Variants in CCDC148 observed in about 807,000 individuals in gnomAD.
CCDC148 encodes coiled-coil domain-containing protein 148.
A neutral mutation model predicts 85.7 loss-of-function variants in CCDC148; 89 were observed. The observed-to-expected ratio is 1.04, with a 90% CI of 0.87 to 1.24. The LOEUF (loss-of-function observed/expected upper bound fraction) is 1.24, where lower values mean the gene tolerates loss of function less well. Ranked by LOEUF, CCDC148 falls within the 50% of genes most tolerant of loss-of-function variation. The probability of loss-of-function intolerance (pLI) is 0.00; values close to 1 mark genes in which losing one functional copy is unlikely to be tolerated. For synonymous variants in CCDC148, 230 were observed against 213.9 expected, an observed-to-expected ratio of 1.08 and a Z score of -0.66; for missense variants, 692 against 671.7, an observed-to-expected ratio of 1.03 and a Z score of -0.33.
chr2:158,437,969 A>T (rs1056980574), intron 1 of CCDC148, among the ~76,000 whole-genome samples: 1 of 152,204 alleles, frequency 6.6e-6, no homozygotes, highest in African/African-American at 2.4e-5. Context: ...TCAATGAAAT[A>T]AAAGAGGATA....
chr2:158,192,021 G>A (rs1205974119), intron 11 of CCDC148, among the ~76,000 whole-genome samples: 1 of 151,952 alleles, frequency 6.6e-6, no homozygotes, highest in Non-Finnish European at 1.5e-5. Flanking sequence ...AGACAATAAA[G>A]TCAAAGATAG....
rs1038827513 is a variant in CCDC148, at chr2:158,178,816, A to G, written c.1488+63T>C. 2.0e-5 allele frequency: 23 copies of G among 1,150,338 alleles called. No individual in the cohort carries two copies. The African/African-American group carries it at 2.9e-4, about 15-fold the overall frequency. 71.3% of individuals were successfully genotyped at this position (1,150,338 alleles called of 1,614,324 possible). A position where few individuals can be genotyped will look rare whatever the true frequency, so the allele number is the denominator to read the frequency against. On this transcript the variant is annotated intron_variant, in intron 12 of 13. Coordinates refer to ENST00000283233, the MANE Select transcript of CCDC148 (RefSeq NM_138803.4). ...ACTAAGCCCCAGTAAGAATGCTATT[A>G]AGAGCACTTAGAAACATTTTTTTTA... is the stretch of plus-strand genomic sequence containing the variant.
chr2:158,314,027 C>T, intron 7 of CCDC148, 133 bp from the exon 8 acceptor site: 2 of 745,802 alleles, frequency 2.7e-6, no homozygotes, highest in Non-Finnish European at 4.1e-6. Context: ...ATACATTAGC[C>T]AAATTTAATG....
At chr2:158,348,437 C>CAA (rs11292736) in intron 2 of CCDC148, among the ~76,000 whole-genome samples, 8 of 143,222 alleles carry the variant, frequency 5.6e-5, no homozygotes, top group Non-Finnish European at 1.1e-4. Context: ...AGCAAATCTA[C>CAA]AAAAAAAAAA....
chr2:158,409,115 C>A (rs1289977726), intron 1 of CCDC148, among the ~76,000 whole-genome samples: 1 of 151,794 alleles, frequency 6.6e-6, no homozygotes, highest in Non-Finnish European at 1.5e-5. Context: ...GGTTATTTAT[C>A]CCTTGTCATG....
At chr2:158,455,682 A>G (rs1688636613) in intron 1 of CCDC148, among the ~76,000 whole-genome samples, 1 of 152,210 alleles carries the variant, frequency 6.6e-6, no homozygotes, top group African/African-American at 2.4e-5. Flanking sequence ...AAAATCGCCA[A>G]AAGAATGTAA....
At chr2:158,380,195 C>T (rs781587493) in intron 1 of CCDC148, among the ~76,000 whole-genome samples, 4 of 151,878 alleles carry the variant, frequency 2.6e-5, no homozygotes, top group Non-Finnish European at 4.4e-5. Context: ...TGCTTGCAGC[C>T]GAATTATCTA....
chr2:158,233,243 A>T (rs1687940217), intron 10 of CCDC148, among the ~76,000 whole-genome samples: 1 of 152,144 alleles, frequency 6.6e-6, no homozygotes, highest in Admixed American at 6.6e-5. Flanking sequence ...TAGCATTGTT[A>T]TATGTAAAAA....
At chr2:158,350,280 T>C (rs1225136198) in intron 2 of CCDC148, among the ~76,000 whole-genome samples, 2 of 152,148 alleles carry the variant, frequency 1.3e-5, no homozygotes. Flanking sequence ...CAAAGAGAAA[T>C]TCACTTTGAT....
rs146220444 is a variant in CCDC148, at chr2:158,357,890, C to T, written c.147+559G>A. Among the ~76,000 whole-genome samples the T allele has an allele frequency of 4.3e-3, 657 of 152,210 alleles. 3 individuals are homozygous for T. Among genetic ancestry groups the T allele is most frequent in the African/African-American group, 0.014 (598 of 41,530 alleles). ...TAATGAAAATACTGTTTTCAATGAA[C>T]GCTATTATTTGCACAAGAGAGAATC... On this transcript the variant is annotated intron_variant, in intron 2 of 13. Transcript: ENST00000283233.
At chr2:158,179,093 A>G (rs957101741) in intron 11 of CCDC148, 97 bp from the exon 12 acceptor site, 2 of 758,512 alleles carry the variant, frequency 2.6e-6, no homozygotes, top group Admixed American at 2.4e-5. Context: ...CTCAGAGGTA[A>G]CAGCACTGTC....
At chr2:158,348,624 G>T (rs1574664240) in intron 2 of CCDC148, among the ~76,000 whole-genome samples, 1 of 151,982 alleles carries the variant, frequency 6.6e-6, no homozygotes, top group South Asian at 2.1e-4. Context: ...AGAAATATAT[G>T]TTGAAATATT....
intron 1 of CCDC148, among the ~76,000 whole-genome samples, chr2:158,395,890 G>A (rs947935848): frequency 1.3e-5 from 2 of 152,128 alleles, no homozygotes; most frequent in Non-Finnish European, 2.9e-5. Flanking sequence ...TTGGCACATA[G>A]TAGGGGCTTA....
intron 1 of CCDC148, among the ~76,000 whole-genome samples, chr2:158,429,475 G>C (rs1237110596): frequency 6.6e-6 from 1 of 152,058 alleles, no homozygotes; most frequent in Non-Finnish European, 1.5e-5. Flanking sequence ...AGCTAAAAAG[G>C]AATCTTAAAA....
At chr2:158,356,782 G>A (rs367848535) in intron 2 of CCDC148, among the ~76,000 whole-genome samples, 9,618 of 139,912 alleles carry the variant, frequency 0.069, 450 homozygotes, top group Middle Eastern at 0.11. Flanking sequence ...ACATGCACAC[G>A]TATGTTTATT....
chr2:158,402,844 T>C (rs2543639), intron 1 of CCDC148, among the ~76,000 whole-genome samples: 135,084 of 152,100 alleles, frequency 0.89, 60,751 homozygotes, highest in Non-Finnish European at 0.96. Context: ...AGTGTACTAT[T>C]TCAAACTAGA....
intron 1 of CCDC148, among the ~76,000 whole-genome samples, chr2:158,401,929 G>A (rs1288379922): frequency 2.6e-5 from 4 of 152,018 alleles, no homozygotes; most frequent in African/African-American, 4.8e-5. Context: ...TAGACCAGAA[G>A]AGAAGGATGG....
intron 10 of CCDC148, among the ~76,000 whole-genome samples, chr2:158,249,487 C>A (rs1197186252): frequency 6.6e-6 from 1 of 152,092 alleles, no homozygotes; most frequent in Non-Finnish European, 1.5e-5. Flanking sequence ...CTTGATAAAA[C>A]CACCCTATTT....
chr2:158,257,449 T>A (rs1689055287), intron 9 of CCDC148, among the ~76,000 whole-genome samples: 2 of 151,850 alleles, frequency 1.3e-5, no homozygotes, highest in African/African-American at 4.8e-5. Flanking sequence ...TTTTCAATAT[T>A]ACCTACCTAA....
Sources: allele counts gnomAD v4.1 joint callset (sites outside exome capture counted in the v4.1 genomes callset), GRCh38; gene constraint gnomAD v4.1.1; transcripts MANE v1.5; gene names NCBI Gene and HGNC (gene_info 2026-07-23, HGNC 2026-07-21).